The following ASCC3 variants were observed in gnomAD, a reference collection of about 807,000 sequenced individuals.
ASCC3 encodes activating signal cointegrator 1 complex subunit 3.
In ASCC3, 158 loss-of-function variants were observed where a neutral mutation model predicts 256.3. The ratio of observed to expected loss-of-function variants is 0.62; its 90% CI spans 0.54 to 0.70. The LOEUF (loss-of-function observed/expected upper bound fraction) is 0.70. Ranked by LOEUF, ASCC3 falls within the 30% of genes least tolerant of loss-of-function variation. ASCC3 has a pLI of 0.00. For missense variants in ASCC3, 2,259 were observed against 2,626.0 expected (o/e 0.86, Z 3.05); for synonymous variants, 948 against 883.4 (o/e 1.07, Z -1.30).
intron 37 of ASCC3, among the ~76,000 whole-genome samples, chr6:100,528,529 C>T (rs568577529): frequency 1.3e-5 from 2 of 151,928 alleles, no homozygotes; most frequent in African/African-American, 2.4e-5. Flanking sequence ...ATCTCACATG[C>T]GAAAGAGAAG....
chr6:100,538,161 T>C (rs954516215), intron 37 of ASCC3, among the ~76,000 whole-genome samples: 3 of 152,074 alleles, frequency 2.0e-5, no homozygotes, highest in African/African-American at 7.2e-5. Flanking sequence ...AAAATTTAAT[T>C]CATCTTGCCA....
At chr6:100,731,696 G>A (rs1192161385) in intron 10 of ASCC3, among the ~76,000 whole-genome samples, 2 of 152,114 alleles carry the variant, frequency 1.3e-5, no homozygotes, top group African/African-American at 4.8e-5. Flanking sequence ...TTCATTTATT[G>A]TAAAGTTGTG....
In ASCC3 at chr6:100,608,460, T is replaced by C. The variant is rs376802633; in HGVS notation, c.4786-1372A>G. Reference sequence around the variant, plus strand: ...ACTTTATATATATTTTATATATATATACTTTATATATATATACTTTATATA... The same window carrying C: ...ACTTTATATATATTTTATATATATACACTTTATATATATATACTTTATATA... On this transcript the variant is annotated intron_variant, in intron 30 of 41. Coordinates refer to ENST00000369162, the MANE Select transcript of ASCC3 (RefSeq NM_006828.4). Among the ~76,000 whole-genome samples the C allele has an allele frequency of 2.2e-4, 6 of 27,178 alleles. 1 individual carries two copies. The highest frequency in any genetic ancestry group is 1.0e-3 in the African/African-American group (6 of 5,996). The allele number at this position is 27,178 out of a possible 152,430, so 17.8% of individuals were successfully genotyped here. A position where few individuals can be genotyped will look rare whatever the true frequency, so the allele number is the denominator to read the frequency against.
chr6:100,714,694 G>T (rs1332379988), intron 13 of ASCC3, among the ~76,000 whole-genome samples: 3 of 151,954 alleles, frequency 2.0e-5, no homozygotes, highest in African/African-American at 7.2e-5. Context: ...TTCCGAAAAA[G>T]TTATTCTTAA....
intron 26 of ASCC3, among the ~76,000 whole-genome samples, chr6:100,630,841 A>C (rs895246774): frequency 1.3e-5 from 2 of 152,116 alleles, no homozygotes; most frequent in Non-Finnish European, 2.9e-5. Flanking sequence ...TTTGTTTTAG[A>C]GTGAAAATAT....
At chr6:100,512,684 T>C in intron 40 of ASCC3, 25 bp downstream of exon 40, 1 of 1,609,692 alleles carries the variant, frequency 6.2e-7, no homozygotes. Flanking sequence ...GTGAAATATT[T>C]GAGAATGGAA....
intron 36 of ASCC3, among the ~76,000 whole-genome samples, chr6:100,574,277 C>A (rs147139762): frequency 6.6e-6 from 1 of 151,946 alleles, no homozygotes; most frequent in Non-Finnish European, 1.5e-5. Flanking sequence ...ATGGGTGCAA[C>A]CTTTTTATGT....
intron 1 of ASCC3, among the ~76,000 whole-genome samples, chr6:100,880,409 C>T (rs1769241184): frequency 6.6e-6 from 1 of 152,180 alleles, no homozygotes; most frequent in Non-Finnish European, 1.5e-5. Context: ...AGTGACAACA[C>T]ATCAAACTTT....
chr6:100,606,241 T>C (rs1173685900), intron 32 of ASCC3, among the ~76,000 whole-genome samples: 3 of 152,092 alleles, frequency 2.0e-5, no homozygotes, highest in African/African-American at 2.4e-5. Context: ...GAAATATACA[T>C]TGAGTGTATT....
chr6:100,546,604 C>G (rs192918038), intron 36 of ASCC3, among the ~76,000 whole-genome samples: 1 of 152,006 alleles, frequency 6.6e-6, no homozygotes, highest in East Asian at 1.9e-4. Context: ...GATAGAAATG[C>G]AACCAACATC....
chr6:100,800,268 A>C (rs1248210233), intron 6 of ASCC3, 32 bp downstream of exon 6: 1 of 1,604,354 alleles, frequency 6.2e-7, no homozygotes, highest in Admixed American at 1.7e-5. Context: ...CAATTACAAC[A>C]CAAGCATTTT....
At chr6:100,586,456 G>A (rs1233839095) in intron 36 of ASCC3, among the ~76,000 whole-genome samples, 1 of 152,170 alleles carries the variant, frequency 6.6e-6, no homozygotes, top group African/African-American at 2.4e-5. Context: ...ATTCGGGTGG[G>A]AGCGACCCGA....
At chr6:100,812,081 CAGA>C (rs1265759476) in intron 4 of ASCC3, among the ~76,000 whole-genome samples, 1 of 152,122 alleles carries the variant, frequency 6.6e-6, no homozygotes, top group Admixed American at 6.6e-5. Flanking sequence ...CAAACAACAT[CAGA>C]AGCTTAATAC....
chr6:100,870,611 G>A (rs529164630), intron 1 of ASCC3, among the ~76,000 whole-genome samples: 24 of 152,294 alleles, frequency 1.6e-4, no homozygotes, highest in Middle Eastern at 3.4e-3. Context: ...TATGAGGACA[G>A]CTGGGGAAAA....
chr6:100,723,891 TATA>T (rs1562251418), intron 11 of ASCC3, among the ~76,000 whole-genome samples: 55 of 122,450 alleles, frequency 4.5e-4, no homozygotes, highest in Middle Eastern at 4.2e-3. Flanking sequence ...TATATATATA[TATA>T]TATTTATAAT....
intron 10 of ASCC3, among the ~76,000 whole-genome samples, chr6:100,731,116 C>CA (rs904476096): frequency 5.5e-4 from 80 of 144,764 alleles, no homozygotes; most frequent in East Asian, 3.2e-3. Flanking sequence ...TTGACATTTA[C>CA]AAAAAAAAAG....
intron 34 of ASCC3, among the ~76,000 whole-genome samples, chr6:100,599,840 T>C (rs998286804): frequency 6.6e-6 from 1 of 152,062 alleles, no homozygotes; most frequent in Non-Finnish European, 1.5e-5. Context: ...CTAGACTCTT[T>C]AGGATGGTAC....
intron 8 of ASCC3, among the ~76,000 whole-genome samples, chr6:100,777,445 T>C (rs891993281): frequency 2.0e-5 from 3 of 152,132 alleles, no homozygotes; most frequent in Admixed American, 1.3e-4. Flanking sequence ...TCTGCTGTCA[T>C]GTAGCTTACA....
At chr6:100,782,405 A>G (rs2114263018) in intron 8 of ASCC3, among the ~76,000 whole-genome samples, 1 of 152,310 alleles carries the variant, frequency 6.6e-6, no homozygotes, top group South Asian at 2.1e-4. Flanking sequence ...AAAGTTTGAA[A>G]TCCAATGCCA....
Sources: allele counts gnomAD v4.1 joint callset (sites outside exome capture counted in the v4.1 genomes callset), GRCh38; gene constraint gnomAD v4.1.1; transcripts MANE v1.5; gene names NCBI Gene and HGNC (gene_info 2026-07-23, HGNC 2026-07-21).